The following HSD17B12 variants were observed in gnomAD, a reference collection of about 807,000 sequenced individuals.
HSD17B12 encodes the protein very-long-chain 3-oxoacyl-CoA reductase.
A neutral mutation model predicts 39.3 loss-of-function variants in HSD17B12; 32 were observed. That is an observed-to-expected ratio of 0.81 (90% CI 0.61 to 1.09). The LOEUF is 1.09. Ranked by LOEUF, HSD17B12 falls within the 50% of genes least tolerant of loss-of-function variation. The probability of loss-of-function intolerance (pLI) is 0.00; values close to 1 mark genes in which losing one functional copy is unlikely to be tolerated. For missense variants in HSD17B12, 342 were observed against 382.9 expected, an observed-to-expected ratio of 0.89 and a Z score of 0.89; for synonymous variants, 150 against 146.7, an observed-to-expected ratio of 1.02 and a Z score of -0.16.
chr11:43,562,942 T>C, the HSD17B12 span, among the ~76,000 whole-genome samples: 4,494 of 152,280 alleles, frequency 0.03, 147 homozygotes, highest in South Asian at 0.091. Flanking sequence ...ATCATCTGCA[T>C]TTGACTCACA....
At chr11:43,600,076 C>T in the HSD17B12 span, among the ~76,000 whole-genome samples, 2 of 151,774 alleles carry the variant, frequency 1.3e-5, no homozygotes, top group African/African-American at 4.8e-5. Flanking sequence ...CTCTTCCCAC[C>T]TCCATTTCCC....
chr11:43,716,017 T>A (rs1052907291), intron 1 of HSD17B12, among the ~76,000 whole-genome samples: 3 of 152,196 alleles, frequency 2.0e-5, no homozygotes, highest in Non-Finnish European at 2.9e-5. Flanking sequence ...AGCACCTTGT[T>A]TTCAAATAGC....
At chr11:43,754,003 G>T (rs139047642) in intron 2 of HSD17B12, 43 bp from the exon 3 acceptor site, 2 of 1,311,472 alleles carry the variant, frequency 1.5e-6, no homozygotes, top group South Asian at 1.3e-5. Context: ...ATGTTTTTCA[G>T]TGACATGCAC....
chr11:43,693,705 T>TA (rs1300849966), intron 1 of HSD17B12, among the ~76,000 whole-genome samples: 2 of 152,170 alleles, frequency 1.3e-5, no homozygotes, highest in South Asian at 2.1e-4. Flanking sequence ...AATACCAGTG[T>TA]AAAAAAATCC....
the HSD17B12 span, among the ~76,000 whole-genome samples, chr11:43,668,929 G>A: frequency 6.6e-6 from 1 of 152,004 alleles, no homozygotes; most frequent in Non-Finnish European, 1.5e-5. Context: ...CTGGGCTCAA[G>A]CAATCCTCTA....
chr11:43,823,930 GA>G (rs1951207519), intron 6 of HSD17B12, among the ~76,000 whole-genome samples: 1 of 152,208 alleles, frequency 6.6e-6, no homozygotes, highest in Admixed American at 6.5e-5. Flanking sequence ...AGAAGTGGAA[GA>G]GGCGGAAGGT....
Position 43,729,649 on chromosome 11 carries a change from T to C in HSD17B12, c.161-21262T>C, listed in dbSNP as rs116640218. On this transcript the variant is annotated intron_variant, in intron 1 of 10. Transcript: ENST00000278353. ...GTTCTATTTGTGAGAGGTAGCTTCTTGAAGGGAGGAAAGTATGCTTTCTTT... is the reference window on the plus strand; with the variant it reads ...GTTCTATTTGTGAGAGGTAGCTTCTCGAAGGGAGGAAAGTATGCTTTCTTT... 6.4e-3 allele frequency among the ~76,000 whole-genome samples: 969 copies of C among 152,332 alleles called. 7 individuals carry two copies. Among genetic ancestry groups the C allele is most frequent in the African/African-American group, 0.022 (922 of 41,568 alleles).
chr11:43,581,430 G>A, the HSD17B12 span: 1 of 524,480 alleles, frequency 1.9e-6, no homozygotes, highest in South Asian at 1.4e-5. This position sits in a 1 kb window ranked among gnomAD's most constrained non-coding sequence, Gnocchi z 4.9. Context: ...TGGGCTTGCT[G>A]TACATAACTC....
the HSD17B12 span, among the ~76,000 whole-genome samples, chr11:43,561,843 T>C: frequency 1.3e-5 from 2 of 152,344 alleles, no homozygotes; most frequent in East Asian, 3.9e-4. Context: ...GACCAATCAA[T>C]GAATAATGAT....
intron 3 of HSD17B12, among the ~76,000 whole-genome samples, chr11:43,772,566 C>G (rs1482158753): frequency 6.6e-6 from 1 of 152,180 alleles, no homozygotes; most frequent in Non-Finnish European, 1.5e-5. Context: ...TTATACAATG[C>G]AACTGCTTTG....
chr11:43,782,600 G>A (rs193221631), intron 3 of HSD17B12, among the ~76,000 whole-genome samples: 25 of 151,688 alleles, frequency 1.6e-4, no homozygotes, highest in African/African-American at 5.6e-4. Context: ...TGCTTGAACC[G>A]GGAGGCAAAG....
intron 9 of HSD17B12, among the ~76,000 whole-genome samples, chr11:43,847,243 A>G (rs1252066865): frequency 6.6e-6 from 1 of 152,168 alleles, no homozygotes; most frequent in African/African-American, 2.4e-5. Flanking sequence ...CTGCCAAGGG[A>G]CACCATCCCC....
the HSD17B12 span, among the ~76,000 whole-genome samples, chr11:43,622,758 G>C: frequency 6.6e-6 from 1 of 151,978 alleles, no homozygotes; most frequent in Non-Finnish European, 1.5e-5. Flanking sequence ...GAAGAGAAAA[G>C]AGGGCATGAA....
chr11:43,808,549 T>G (rs1394552964), intron 4 of HSD17B12, among the ~76,000 whole-genome samples: 2 of 152,170 alleles, frequency 1.3e-5, no homozygotes, highest in Non-Finnish European at 2.9e-5. Flanking sequence ...GTCATGAAAT[T>G]GGTGAATGTT....
intron 3 of HSD17B12, among the ~76,000 whole-genome samples, chr11:43,771,498 G>A (rs890401063): frequency 2.6e-5 from 3 of 117,316 alleles, no homozygotes; most frequent in Admixed American, 2.3e-4. Context: ...ACAGAGTATC[G>A]CTCTGTCACC....
chr11:43,673,894 ATTC>A, the HSD17B12 span, among the ~76,000 whole-genome samples: 2 of 152,100 alleles, frequency 1.3e-5, no homozygotes, highest in African/African-American at 4.8e-5. Context: ...TCAAATTCCA[ATTC>A]TTCCACTTAC....
chr11:43,825,620 T>G (rs1400005491), intron 6 of HSD17B12, among the ~76,000 whole-genome samples: 1 of 152,256 alleles, frequency 6.6e-6, no homozygotes, highest in Non-Finnish European at 1.5e-5. Flanking sequence ...ATGGCTTTTC[T>G]AGATGAAGGC....
intron 9 of HSD17B12, chr11:43,853,190 A>G: frequency 6.6e-6 from 1 of 152,316 alleles, no homozygotes; most frequent in Non-Finnish European, 1.5e-5. Context: ...ACAAAAAATT[A>G]GCCAGGCGTG....
At chr11:43,567,419 C>G in the HSD17B12 span, among the ~76,000 whole-genome samples, 5 of 152,186 alleles carry the variant, frequency 3.3e-5, no homozygotes, top group Admixed American at 3.3e-4. Flanking sequence ...CCTGGATTAC[C>G]TGAAAGCAGA....
Sources: gnomAD v4.1 joint callset for allele counts (sites outside exome capture counted in the v4.1 genomes callset) on GRCh38, gnomAD v4.1.1 for gene constraint, Gnocchi (gnomAD v3.1) non-coding constraint, MANE v1.5 for transcripts, NCBI Gene and HGNC (gene_info 2026-07-23, HGNC 2026-07-21) for gene names.